Variants in HCRTR2 observed in about 807,000 individuals in gnomAD.
The protein encoded by HCRTR2 is hypocretin receptor 2.
Under a neutral mutation model 49.0 loss-of-function variants are expected in HCRTR2, and 22 were observed. That is an observed-to-expected ratio of 0.45 (90% confidence interval 0.32 to 0.64). The LOEUF is 0.64. Among genes scored for constraint, HCRTR2 ranks in the 30% least tolerant of loss-of-function variants. The pLI is 0.04. For missense variants in HCRTR2, 491 were observed against 559.4 expected (o/e 0.88, Z 1.23); for synonymous variants, 236 against 205.3 (o/e 1.15, Z -1.28).
intron 1 of HCRTR2, among the ~76,000 whole-genome samples, chr6:55,163,304 G>A (rs1561991978): frequency 1.3e-5 from 2 of 151,230 alleles, no homozygotes; most frequent in Middle Eastern, 3.5e-3. Context: ...CTAAAAAAGA[G>A]CCCATATAGC....
Position 55,142,911 on chromosome 6 carries a change from C to T in HCRTR2, c.-377-31300C>T, listed in dbSNP as rs1764527861. Among the ~76,000 whole-genome samples, 3 of 151,568 alleles carry T rather than the reference C, an allele frequency of 2.0e-5. 1 individual carries two copies. In the South Asian group the frequency reaches 6.3e-4, roughly 32 times the overall value. On this transcript the variant is annotated intron_variant, in intron 1 of 7. Coordinates refer to the HCRTR2 transcript ENST00000615358. ...ATTTTGAATTGTACATATTTCTATT[C>T]CCATAACACCTCAGAATTTGGGCAC... is the stretch of plus-strand genomic sequence containing the variant.
At chr6:55,169,653 A>T (rs1163665747), upstream of HCRTR2, among the ~76,000 whole-genome samples, 2 of 152,146 alleles carry the variant, frequency 1.3e-5, no homozygotes, top group Non-Finnish European at 1.5e-5. Flanking sequence ...AAGCTAATGC[A>T]TTTATTTTGG....
rs548976031 is a variant in HCRTR2 at position 55,226,807 on chromosome 6, C to T, written c.224-21832C>T. Reference sequence around the variant, plus strand: ...GATCTCGGCTCACTGAAAGCTCCGCCTCCCGGGTTCACACCATTCTCCTGC... The same window carrying T: ...GATCTCGGCTCACTGAAAGCTCCGCTTCCCGGGTTCACACCATTCTCCTGC... On this transcript the variant is annotated intron_variant, in intron 1 of 6. Transcript: ENST00000370862. 1.8e-3 allele frequency among the ~76,000 whole-genome samples: 264 copies of T among 147,056 alleles called. 1 individual carries two copies. The highest frequency in any genetic ancestry group is 3.0e-3 in the Non-Finnish European group (202 of 66,714).
intron 1 of HCRTR2, among the ~76,000 whole-genome samples, chr6:55,211,099 T>C (rs1033155005): frequency 2.6e-5 from 4 of 152,134 alleles, no homozygotes; most frequent in African/African-American, 7.2e-5. Context: ...TAGGAGCAAT[T>C]GGCTATACCC....
At position 55,282,253 on chromosome 6, in the gene HCRTR2, G is replaced by A. The variant is rs200663515; in HGVS notation, c.1134G>A (p.Ala378=). The A allele has an allele frequency of 3.2e-5, 52 of 1,613,736 alleles. 1 individual carries two copies. In the East Asian group the frequency reaches 7.1e-4, roughly 22 times the overall value. ...SGKFREEFKA[A]FSCCCLGVHH... is the part of the protein sequence containing the mutation. ...AATTTCGAGAGGAATTTAAAGCTGC[G>A]TTTTCTTGCTGTTGCCTTGGAGTTC... The change falls in exon 7 of 7, where the codon GCG becomes GCA. Residue 378 remains alanine (A), a synonymous_variant. Transcript: ENST00000370862.
At chr6:55,169,140 C>G (rs907769294) in intron 1 of HCRTR2, among the ~76,000 whole-genome samples, 1 of 151,808 alleles carries the variant, frequency 6.6e-6, no homozygotes, top group Non-Finnish European at 1.5e-5. Flanking sequence ...TTGCCGGCTA[C>G]TCTGTGCTTT....
intron 1 of HCRTR2, among the ~76,000 whole-genome samples, chr6:55,145,032 TCTA>T (rs1764559896): frequency 6.6e-6 from 1 of 152,176 alleles, no homozygotes; most frequent in Non-Finnish European, 1.5e-5. Flanking sequence ...AAGCTACCCG[TCTA>T]CTTTGTTGCT....
chr6:55,160,589 C>T (rs1359983734), intron 1 of HCRTR2, among the ~76,000 whole-genome samples: 4 of 152,054 alleles, frequency 2.6e-5, no homozygotes, highest in Admixed American at 2.0e-4. Flanking sequence ...TTCAGGAGTC[C>T]AATTCATGTG....
At chr6:55,127,129 T>G (rs13205002) in intron 1 of HCRTR2, among the ~76,000 whole-genome samples, 1 of 151,788 alleles carries the variant, frequency 6.6e-6, no homozygotes, top group Admixed American at 6.6e-5. Flanking sequence ...GAAAAAAAAA[T>G]TTCTGCAGCT....
At chr6:55,271,048 A>G (rs1451553938) in intron 4 of HCRTR2, among the ~76,000 whole-genome samples, 2 of 152,152 alleles carry the variant, frequency 1.3e-5, no homozygotes, top group African/African-American at 4.8e-5. Context: ...CAAATTGACA[A>G]ACTGATCCTA....
intron 1 of HCRTR2, among the ~76,000 whole-genome samples, chr6:55,117,783 CA>C (rs34425786): frequency 0.01 from 819 of 78,272 alleles, 6 homozygotes; most frequent in African/African-American, 0.03. Context: ...GATAAAGTCT[CA>C]AAAAAAAAAA....
chr6:55,258,459 T>G (rs967905508), intron 3 of HCRTR2, among the ~76,000 whole-genome samples: 1 of 152,106 alleles, frequency 6.6e-6, no homozygotes, highest in Non-Finnish European at 1.5e-5. Context: ...ACTAAAAAAT[T>G]TACCAGCAAT....
At chr6:55,259,661 TA>T (rs1766717398) in intron 3 of HCRTR2, among the ~76,000 whole-genome samples, 1 of 139,426 alleles carries the variant, frequency 7.2e-6, no homozygotes, top group Non-Finnish European at 1.6e-5. Flanking sequence ...TAGTTTCATA[TA>T]TATATATATA....
chr6:55,119,874 G>C (rs1764171618), intron 1 of HCRTR2, among the ~76,000 whole-genome samples: 1 of 151,864 alleles, frequency 6.6e-6, no homozygotes, highest in South Asian at 2.1e-4. Flanking sequence ...ATATTGCCCA[G>C]GTTTTCTTCT....
intron 3 of HCRTR2, 25 bp from the exon 4 acceptor site, chr6:55,263,682 T>G: frequency 8.0e-7 from 1 of 1,247,366 alleles, no homozygotes; most frequent in Non-Finnish European, 1.2e-6. Flanking sequence ...AACGTAAGGT[T>G]TTGTTGTTTT....
chr6:55,260,813 T>C (rs1766739882), intron 3 of HCRTR2, among the ~76,000 whole-genome samples: 1 of 152,218 alleles, frequency 6.6e-6, no homozygotes, highest in Non-Finnish European at 1.5e-5. Context: ...CAATAAATAT[T>C]ATCTATTATT....
At chr6:55,120,415 GC>G (rs1257947529) in intron 1 of HCRTR2, among the ~76,000 whole-genome samples, 12 of 151,878 alleles carry the variant, frequency 7.9e-5, no homozygotes, top group Admixed American at 7.9e-4. Flanking sequence ...ATTTGTTTGT[GC>G]CCTCTCTTAA....
intron 1 of HCRTR2, among the ~76,000 whole-genome samples, chr6:55,140,919 G>A (rs1764497446): frequency 6.6e-6 from 1 of 152,198 alleles, no homozygotes; most frequent in Admixed American, 6.5e-5. Context: ...AGAGAGTTCG[G>A]AAGCTGGTTG....
chr6:55,264,961 T>C (rs1766835600), intron 4 of HCRTR2, among the ~76,000 whole-genome samples: 1 of 152,090 alleles, frequency 6.6e-6, no homozygotes, highest in African/African-American at 2.4e-5. Context: ...ACACTTGTTA[T>C]TCAAAGCATT....
Sources: gnomAD v4.1 joint callset for allele counts (sites outside exome capture counted in the v4.1 genomes callset) on GRCh38, gnomAD v4.1.1 for gene constraint, MANE v1.5 for transcripts, NCBI Gene and HGNC (gene_info 2026-07-23, HGNC 2026-07-21) for gene names.